Variants in GSE1 observed in about 807,000 individuals in gnomAD.
The protein encoded by GSE1 is Gse1 coiled-coil protein, also known as genetic suppressor element 1.
GSE1 carries 32 observed loss-of-function variants against 112.6 expected under a neutral mutation model. The observed-to-expected ratio is 0.28, with a 90% CI of 0.21 to 0.38. GSE1 has a LOEUF of 0.38. Ranked by LOEUF, GSE1 falls within the 10% of genes least tolerant of loss-of-function variation. GSE1 has a pLI of 1.00. For missense variants in GSE1, 2,348 were observed against 1,699.2 expected (o/e 1.38, Z -6.71); for synonymous variants, 1,115 against 735.6 (o/e 1.52, Z -8.35).
At chr16:85,512,043 G>C (rs1187660836) in intron 2 of GSE1, among the ~76,000 whole-genome samples, 1 of 152,194 alleles carries the variant, frequency 6.6e-6, no homozygotes, top group African/African-American at 2.4e-5. Flanking sequence ...TCGCAGTGTT[G>C]TGAGGGTCCG....
intron 1 of GSE1, among the ~76,000 whole-genome samples, chr16:85,259,718 C>T (rs72487995): frequency 4.6e-5 from 7 of 152,314 alleles, no homozygotes; most frequent in South Asian, 2.1e-4. Context: ...TGCCCCTGCC[C>T]GTGTGCCCAC....
At chr16:85,570,441 C>A (rs186243675) in intron 1 of GSE1, among the ~76,000 whole-genome samples, 1 of 152,302 alleles carries the variant, frequency 6.6e-6, no homozygotes, top group East Asian at 1.9e-4. Context: ...GTGACAAAGT[C>A]GTGGCACTTG....
intron 2 of GSE1, among the ~76,000 whole-genome samples, chr16:85,388,412 ATACACAGG>A (rs2047753324): frequency 8.6e-6 from 1 of 116,086 alleles, no homozygotes; most frequent in African/African-American, 3.4e-5. Flanking sequence ...GGATGGATGG[ATACACAGG>A]TGGGTGGATG....
chr16:85,616,124 C>T (rs961783972), intron 1 of GSE1, among the ~76,000 whole-genome samples: 1 of 152,248 alleles, frequency 6.6e-6, no homozygotes, highest in Non-Finnish European at 1.5e-5. Flanking sequence ...CTGCACAGCG[C>T]CACTCTGTGG....
chr16:85,608,376 G>A (rs2047806067), upstream of GSE1, among the ~76,000 whole-genome samples: 1 of 152,292 alleles, frequency 6.6e-6, no homozygotes, highest in African/African-American at 2.4e-5. Context: ...GGGGAGGGTG[G>A]ACTGTGCATA....
intron 2 of GSE1, among the ~76,000 whole-genome samples, chr16:85,384,676 G>A (rs1380574282): frequency 2.0e-5 from 3 of 152,226 alleles, no homozygotes; most frequent in Non-Finnish European, 4.4e-5. Flanking sequence ...AGGCGTGTGG[G>A]TGGATTGTTC....
At chr16:85,239,370 G>C (rs1904987175) in intron 1 of GSE1, among the ~76,000 whole-genome samples, 1 of 152,228 alleles carries the variant, frequency 6.6e-6, no homozygotes, top group Non-Finnish European at 1.5e-5. Context: ...GTGTGAGGCA[G>C]GGCATGTGAG....
chr16:85,532,884 G>A (rs1567566227), intron 2 of GSE1, among the ~76,000 whole-genome samples: 1 of 152,206 alleles, frequency 6.6e-6, no homozygotes, highest in Non-Finnish European at 1.5e-5. Flanking sequence ...TCCTGCGCCT[G>A]TGGCCCCTGG....
intron 2 of GSE1, among the ~76,000 whole-genome samples, chr16:85,409,209 GC>G (rs71386084): frequency 2.6e-5 from 1 of 38,734 alleles, no homozygotes. Context: ...TACACTCAGG[GC>G]CCCCCGGATA....
Position 85,668,101 on chromosome 16 carries a change from TCCC to T in GSE1, c.3131-36_3131-34del, listed in dbSNP as rs1188958043. On this transcript the variant is annotated intron_variant, in intron 13 of 15. Coordinates refer to ENST00000253458, the MANE Select transcript of GSE1 (RefSeq NM_014615.5). ...TTCTGAGACAGCACCCTGTGTCCCT[TCCC>T]CCAACACACTGATGCAAGCCCTGTC... is the stretch of plus-strand genomic sequence containing the variant. 3.3e-6 allele frequency: 5 copies of T among 1,496,232 alleles called. No homozygotes were observed. The African/African-American group carries it at 7.0e-5, about 21-fold the overall frequency. 92.7% of individuals were successfully genotyped at this position (1,496,232 alleles called of 1,614,324 possible).
At chr16:85,628,012 T>G (rs879460872) in intron 1 of GSE1, among the ~76,000 whole-genome samples, 6 of 152,176 alleles carry the variant, frequency 3.9e-5, no homozygotes, top group Admixed American at 1.3e-4. Context: ...AGCCTTGAAG[T>G]GATCCCCACC....
At chr16:85,454,923 G>A (rs1157720500) in intron 2 of GSE1, among the ~76,000 whole-genome samples, 1 of 152,116 alleles carries the variant, frequency 6.6e-6, no homozygotes, top group Non-Finnish European at 1.5e-5. Flanking sequence ...TCCAAATAAG[G>A]TCGCCTGCCC....
At chr16:85,250,953 G>A (rs74031746) in intron 1 of GSE1, among the ~76,000 whole-genome samples, 8,604 of 152,154 alleles carry the variant, frequency 0.057, 785 homozygotes, top group African/African-American at 0.2. Flanking sequence ...TTCACTCGGC[G>A]CCTGGTTTCC....
rs76839006 is a variant in GSE1, at chr16:85,526,386, C to T, written c.2465-107528C>T. Reference sequence around the variant, plus strand: ...CCTCAGGAGCTGCAGAAGTAGAGTGCGTGCCCCACTGTCTGCACAGGGTGA... The same window carrying T: ...CCTCAGGAGCTGCAGAAGTAGAGTGTGTGCCCCACTGTCTGCACAGGGTGA... On this transcript the variant is annotated intron_variant, in intron 2 of 2. Coordinates refer to the GSE1 transcript ENST00000637419. Among the ~76,000 whole-genome samples the T allele has an allele frequency of 5.7e-3, 873 of 152,362 alleles. 8 individuals carry two copies. Among genetic ancestry groups the T allele is most frequent in the African/African-American group, 0.019 (773 of 41,584 alleles).
At chr16:85,578,970 G>C (rs1234183022) in intron 1 of GSE1, among the ~76,000 whole-genome samples, 1 of 152,018 alleles carries the variant, frequency 6.6e-6, no homozygotes, top group Admixed American at 6.5e-5. Context: ...GTGGCATCCT[G>C]ATGCTGGCAC....
At chr16:85,485,583 G>A (rs80257148) in intron 2 of GSE1, among the ~76,000 whole-genome samples, 1 of 152,380 alleles carries the variant, frequency 6.6e-6, no homozygotes, top group African/African-American at 2.4e-5. Flanking sequence ...GTTAAGGACA[G>A]ATGGATTACA....
rs1905442838 is a variant in GSE1 at position 85,244,665 on chromosome 16, C to G, written c.2283+72858C>G. Among the ~76,000 whole-genome samples the G allele has an allele frequency of 3.3e-5, 5 of 150,634 alleles. No homozygotes were observed. The South Asian group carries it at 1.0e-3, about 32-fold the overall frequency. On this transcript the variant is annotated intron_variant, in intron 1 of 2. Transcript: ENST00000637419. ...AGGAGTTCGAGGCCAGCCTGGGCAA[C>G]ATAGTGAGACCCCAATCTCTACCAA... is the stretch of plus-strand genomic sequence containing the variant.
At position 85,673,642 on chromosome 16, in the gene GSE1, C is replaced by A. The variant is rs1298113897; in HGVS notation, c.*1103C>A. The A allele has an allele frequency of 6.6e-6, 1 of 152,222 alleles. No individual in the cohort carries two copies. The highest frequency in any genetic ancestry group is 1.5e-5 in the Non-Finnish European group (1 of 68,046). The allele number at this position is 152,222 out of a possible 1,614,324, so 9.4% of individuals were successfully genotyped here. A position where few individuals can be genotyped will look rare whatever the true frequency, so the allele number is the denominator to read the frequency against. On this transcript the variant is annotated 3_prime_UTR_variant, in exon 16 of 16. Coordinates refer to ENST00000253458, the MANE Select transcript of GSE1 (RefSeq NM_014615.5). ...TTAGTTTGAGTTGCACCAGAAGCTG[C>A]CGTAGAAAGCCATGCGCTACTGCTT...
chr16:85,497,002 G>A (rs1354319839), intron 2 of GSE1, among the ~76,000 whole-genome samples: 5 of 152,076 alleles, frequency 3.3e-5, no homozygotes, highest in East Asian at 1.9e-4. Flanking sequence ...AGGTTCAAGC[G>A]ATTCTCCTGC....
Sources: allele counts gnomAD v4.1 joint callset (sites outside exome capture counted in the v4.1 genomes callset), GRCh38; gene constraint gnomAD v4.1.1; transcripts MANE v1.5; gene names NCBI Gene and HGNC (gene_info 2026-07-23, HGNC 2026-07-21).